Variants in SOCS4 observed in about 807,000 individuals in gnomAD.
SOCS4 encodes SH2 domain containing SOCS box protein.
Under a neutral mutation model 34.1 loss-of-function variants are expected in SOCS4, and 20 were observed. That is an observed-to-expected ratio of 0.59 (90% CI 0.41 to 0.85). SOCS4 has a LOEUF of 0.85. Ranked by LOEUF, SOCS4 falls within the 40% of genes least tolerant of loss-of-function variation. The pLI, the probability that SOCS4 is intolerant of heterozygous loss-of-function variation, is 0.00. For missense variants in SOCS4, 479 were observed against 532.4 expected (o/e 0.90, Z 0.99); for synonymous variants, 180 against 186.4 (o/e 0.97, Z 0.28).
Position 55,037,148 on chromosome 14 carries a change from A to ATT in SOCS4, c.-91+5170_-91+5171dup, listed in dbSNP as rs138442784. On this transcript the variant is annotated intron_variant, in intron 2 of 2. Coordinates refer to ENST00000555846, the MANE Select transcript of SOCS4 (RefSeq NM_199421.2). Reference sequence around the variant, plus strand: ...AAAAAAAAATTATTTTAGCAATCATATTTTTTTTTTTTTTGAGACAGAGTC... The same window carrying ATT: ...AAAAAAAAATTATTTTAGCAATCATATTTTTTTTTTTTTTTTGAGACAGAGTC... Among the ~76,000 whole-genome samples the ATT allele has an allele frequency of 2.2e-3, 319 of 142,590 alleles. 2 individuals carry two copies. The highest frequency in any genetic ancestry group is 7.9e-3 in the African/African-American group (306 of 38,760). 93.5% of individuals were successfully genotyped at this position (142,590 alleles called of 152,430 possible). A position where few individuals can be genotyped will look rare whatever the true frequency, so the allele number is the denominator to read the frequency against.
At chr14:55,036,142 G>A (rs2042570636) in intron 2 of SOCS4, among the ~76,000 whole-genome samples, 1 of 152,072 alleles carries the variant, frequency 6.6e-6, no homozygotes, top group South Asian at 2.1e-4. Context: ...GCTGGGTGGT[G>A]GGATTATGGA....
chr14:55,043,758 A>T lies in SOCS4; in HGVS notation c.717A>T (p.Thr239=), dbSNP rs772948376. 5.6e-6 allele frequency: 9 copies of T among 1,614,174 alleles called. No individual in the cohort carries two copies. Among genetic ancestry groups the T allele is most frequent in the Non-Finnish European group, 7.6e-6 (9 of 1,180,022 alleles). ...DSDDEILTLC[T]SSRKRNKPKW... is the part of the protein sequence containing the mutation. ...ATGATGAAATTCTAACACTTTGCAC[A>T]AGTTCCAGAAAAAGAAACAAACCCA... The change falls in exon 3 of 3, where the codon ACA becomes ACT. Residue 239 remains threonine (T), a synonymous_variant. Transcript: ENST00000555846.
At position 55,044,044 on chromosome 14, in the gene SOCS4, A is replaced by G. The variant is rs1046728202; in HGVS notation, c.1003A>G (p.Ile335Val). ...CTATAGTCGTTCTCTTCATGCTAGA[A>G]TTGAACAGTGGAATCACAACTTTAG... ...RRYSRSLHAR[I>V]EQWNHNFSFD... The change falls in exon 3 of 3, where the codon ATT becomes GTT. Residue 335 changes from isoleucine to valine, a missense_variant. Ile to Val is a conservative substitution (Grantham distance 29). Coordinates refer to ENST00000555846, the MANE Select transcript of SOCS4 (RefSeq NM_199421.2). The G allele has an allele frequency of 1.2e-6, 2 of 1,614,042 alleles. No homozygotes were observed. The highest frequency in any genetic ancestry group is 1.3e-5 in the African/African-American group (1 of 74,938).
In SOCS4 at chr14:55,044,212, C is replaced by G; in HGVS notation, c.1171C>G (p.His391Asp). ...TCGGACTTTCCCTTTTTCCCTGCAG[C>G]ATATATGCAGAACAGTTATTTGTAA... is the stretch of plus-strand genomic sequence containing the variant. ...LIRTFPFSLQ[H>D]ICRTVICNCT... The change falls in exon 3 of 3, where the codon CAT (histidine) becomes GAT (aspartate). Residue 391 changes from histidine to aspartate, a missense_variant. Physicochemically the swap from His to Asp is moderately conservative, Grantham distance 81 (BLOSUM62 -1). Coordinates refer to ENST00000555846, the MANE Select transcript of SOCS4 (RefSeq NM_199421.2). 1 of 1,614,020 alleles carries G rather than the reference C, an allele frequency of 6.2e-7. No individual in the cohort carries two copies. Among genetic ancestry groups the G allele is most frequent in the Non-Finnish European group, 8.5e-7 (1 of 1,179,944 alleles).
rs1352412034 is a variant in SOCS4, at chr14:55,048,766, A to G, written c.*4402A>G. 6 of 167,078 alleles carry G rather than the reference A, an allele frequency of 3.6e-5. No individual in the cohort carries two copies. The highest frequency in any genetic ancestry group is 5.9e-5 in the Non-Finnish European group (4 of 68,116). 10.3% of individuals were successfully genotyped at this position (167,078 alleles called of 1,614,324 possible). A position where few individuals can be genotyped will look rare whatever the true frequency, so the allele number is the denominator to read the frequency against. On this transcript the variant is annotated 3_prime_UTR_variant, in exon 3 of 3. Transcript: ENST00000555846. ...TTTTGAACAGATGACTCAGTCCTAA[A>G]TCTTTGCCTTTATTTCCTATAAAAT...
chr14:55,042,938 T>C lies in SOCS4; in HGVS notation c.-90-14T>C. The C allele has an allele frequency of 1.9e-6, 2 of 1,037,736 alleles. No individual in the cohort carries two copies. The highest frequency in any genetic ancestry group is 2.7e-5 in the Admixed American group (1 of 37,252). 64.3% of individuals were successfully genotyped at this position (1,037,736 alleles called of 1,614,324 possible). ...GATGACAAATGGTTAATGACTTTTT[T>C]TTGTTTTCTTTAGATACATCCAGAA... On this transcript the variant is annotated splice_polypyrimidine_tract_variant and intron_variant, in intron 2 of 2. Coordinates refer to ENST00000555846, the MANE Select transcript of SOCS4 (RefSeq NM_199421.2).
At chr14:55,037,411 A>G (rs2042582463) in intron 2 of SOCS4, among the ~76,000 whole-genome samples, 1 of 151,844 alleles carries the variant, frequency 6.6e-6, no homozygotes, top group Non-Finnish European at 1.5e-5. Context: ...TCCTGGGATT[A>G]CAGGCGTGAG....
chr14:55,028,706 C>A (rs936057491), intron 1 of SOCS4, among the ~76,000 whole-genome samples: 1 of 152,182 alleles, frequency 6.6e-6, no homozygotes, highest in Non-Finnish European at 1.5e-5. Flanking sequence ...TTTCTCTTAT[C>A]AATCAAGCCA....
At chr14:55,030,941 C>T (rs1471969795) in intron 1 of SOCS4, among the ~76,000 whole-genome samples, 1 of 151,890 alleles carries the variant, frequency 6.6e-6, no homozygotes, top group Non-Finnish European at 1.5e-5. Context: ...ATTGGTCTCA[C>T]AAGAAAAAAG....
chr14:55,030,619 G>A (rs1159947361), intron 1 of SOCS4, among the ~76,000 whole-genome samples: 2 of 152,144 alleles, frequency 1.3e-5, no homozygotes, highest in South Asian at 2.1e-4. Flanking sequence ...CTAGGAAGCA[G>A]TTAATATTTC....
In SOCS4 at chr14:55,043,664, G is replaced by T. The variant is rs2042643115; in HGVS notation, c.623G>T (p.Gly208Val). 1.9e-6 allele frequency: 3 copies of T among 1,614,168 alleles called. No individual in the cohort carries two copies. Among genetic ancestry groups the T allele is most frequent in the Non-Finnish European group, 2.5e-6 (3 of 1,180,028 alleles). ...ITTDNALCREGPMTGSVMNLV... is the reference protein window; with the variant it reads ...ITTDNALCREVPMTGSVMNLV... ...ACCGACAATGCTTTGTGTAGAGAAG[G>T]TCCTATGACTGGCTCTGTGATGAAC... Residue 208 changes from glycine to valine, a missense_variant, in exon 3 of 3, where the codon GGT becomes GTT. Transcript: ENST00000555846.
At chr14:55,035,482 T>A (rs532414149) in intron 2 of SOCS4, among the ~76,000 whole-genome samples, 1 of 152,356 alleles carries the variant, frequency 6.6e-6, no homozygotes, top group African/African-American at 2.4e-5. Context: ...CTGAAAATTA[T>A]ATTTGCTCAT....
intron 2 of SOCS4, among the ~76,000 whole-genome samples, chr14:55,039,153 CACT>C (rs372092178): frequency 1.3e-5 from 2 of 152,256 alleles, no homozygotes; most frequent in East Asian, 3.9e-4. Flanking sequence ...AATTAAGTTA[CACT>C]ACTCATTGAG....
intron 2 of SOCS4, among the ~76,000 whole-genome samples, chr14:55,035,689 T>C (rs2140244645): frequency 6.6e-6 from 1 of 152,240 alleles, no homozygotes; most frequent in East Asian, 1.9e-4. Flanking sequence ...AATTAATACA[T>C]TTAGGACCTG....
rs2042654678 is a variant in SOCS4, at chr14:55,044,360, GCTA to G, written c.1320_1322del (p.Cys440_Ter441delinsTrp). 4.4e-6 allele frequency: 7 copies of G among 1,594,908 alleles called. No homozygotes were observed. Among genetic ancestry groups the G allele is most frequent in the Non-Finnish European group, 6.0e-6 (7 of 1,168,514 alleles). The stretch of plus-strand genomic sequence containing the variant: ...AGGATTGATGCACCAGAACAGCAAT[GCTA>G]GTAACAGGATGGGAACATGGGAATG... On this transcript the variant is annotated stop_lost and inframe_deletion, in exon 3 of 3. Transcript: ENST00000555846.
At chr14:55,033,994 C>T (rs991219166) in intron 2 of SOCS4, among the ~76,000 whole-genome samples, 4 of 152,058 alleles carry the variant, frequency 2.6e-5, no homozygotes, top group East Asian at 3.9e-4. Flanking sequence ...ATTAGCTGGG[C>T]GTGGTGGCAC....
chr14:55,041,783 C>CTTTTTTTTTTTTTTTTT lies in SOCS4; in HGVS notation c.-90-1159_-90-1143dup, dbSNP rs35998700. 2.7e-3 allele frequency among the ~76,000 whole-genome samples: 110 copies of CTTTTTTTTTTTTTTTTT among 40,078 alleles called. 15 individuals are homozygous for CTTTTTTTTTTTTTTTTT. The highest frequency in any genetic ancestry group is 4.9e-3 in the African/African-American group (59 of 11,982). The allele number at this position is 40,078 out of a possible 152,430, so 26.3% of individuals were successfully genotyped here. A position where few individuals can be genotyped will look rare whatever the true frequency, so the allele number is the denominator to read the frequency against. ...CCACCGTGCCCAGCCAACCCTTAAT[C>CTTTTTTTTTTTTTTTTT]TTTTTTTTTTTTTTTTTTTTTTTTT... On this transcript the variant is annotated intron_variant, in intron 2 of 2. Coordinates refer to ENST00000555846, the MANE Select transcript of SOCS4 (RefSeq NM_199421.2).
chr14:55,039,696 A>T (rs994425199), intron 2 of SOCS4, among the ~76,000 whole-genome samples: 1 of 152,170 alleles, frequency 6.6e-6, no homozygotes, highest in African/African-American at 2.4e-5. Context: ...GATCGAGACC[A>T]TCCTGGCTAA....
chr14:55,041,783 C>CTT (rs35998700), intron 2 of SOCS4, among the ~76,000 whole-genome samples: 808 of 40,062 alleles, frequency 0.02, 158 homozygotes, highest in African/African-American at 0.032. Flanking sequence ...AACCCTTAAT[C>CTT]TTTTTTTTTT....
Sources: gnomAD v4.1 joint callset for allele counts (sites outside exome capture counted in the v4.1 genomes callset) on GRCh38, gnomAD v4.1.1 for gene constraint, MANE v1.5 for transcripts, NCBI Gene and HGNC (gene_info 2026-07-23, HGNC 2026-07-21) for gene names.